MECOM: variants seen among roughly 807,000 people sequenced by gnomAD.
MECOM encodes MDS1 and EVI1 complex locus.
Under a neutral mutation model 116.3 loss-of-function variants are expected in MECOM, and 13 were observed. That is an observed-to-expected ratio of 0.11 (90% CI 0.07 to 0.18). The LOEUF is 0.18. Ranked by LOEUF, MECOM falls within the 10% of genes least tolerant of loss-of-function variation. The probability of loss-of-function intolerance (pLI) is 1.00; values close to 1 mark genes in which losing one functional copy is unlikely to be tolerated. For missense variants in MECOM, 1,299 were observed against 1,509.0 expected (o/e 0.86, Z 2.31); for synonymous variants, 528 against 535.2 (o/e 0.99, Z 0.19).
chr3:169,090,342 T>A, intron 14 of MECOM, 106 bp from the exon 15 acceptor site: 1 of 961,444 alleles, frequency 1.0e-6, no homozygotes, highest in Non-Finnish European at 1.5e-6. Flanking sequence ...TTTCAACACT[T>A]AACATCGGAA....
At position 169,403,959 on chromosome 3, in the gene MECOM, C is replaced by A. The variant is rs912936580; in HGVS notation, c.38-22435G>T. 5.3e-5 allele frequency among the ~76,000 whole-genome samples: 8 copies of A among 152,196 alleles called. No homozygotes were observed. In the East Asian group the frequency reaches 1.5e-3, roughly 29 times the overall value. ...TTAGTTCTAACTCAGTCCCTGGTTT[C>A]CTGAGAAAACCCAAAATGGAAGATA... On this transcript the variant is annotated intron_variant, in intron 1 of 16. Transcript: ENST00000651503.
chr3:169,449,268 G>A (rs1745158286), intron 1 of MECOM, among the ~76,000 whole-genome samples: 1 of 152,126 alleles, frequency 6.6e-6, no homozygotes, highest in Non-Finnish European at 1.5e-5. Flanking sequence ...CATAGTTCTT[G>A]CTGATTGCTC....
intron 1 of MECOM, among the ~76,000 whole-genome samples, chr3:169,548,914 A>G (rs549985512): frequency 6.6e-6 from 1 of 152,196 alleles, no homozygotes; most frequent in Admixed American, 6.5e-5. Context: ...AGAGAGCTTA[A>G]ATAACGTGGG....
At position 169,480,106 on chromosome 3, in the gene MECOM, G is replaced by A. The variant is rs2108845571; in HGVS notation, c.38-98582C>T. Reference sequence around the variant, plus strand: ...ATCACTATTGGTATAAAAAAAGTATGATGATGGTTTTCTGTAGGTTGCCAA... The same window carrying A: ...ATCACTATTGGTATAAAAAAAGTATAATGATGGTTTTCTGTAGGTTGCCAA... On this transcript the variant is annotated intron_variant, in intron 1 of 16. Coordinates refer to ENST00000651503, the MANE Select transcript of MECOM (RefSeq NM_004991.4). Among the ~76,000 whole-genome samples, 3 of 152,306 alleles carry A rather than the reference G, an allele frequency of 2.0e-5. 1 individual carries two copies. Among genetic ancestry groups the A allele is most frequent in the Admixed American group, 2.0e-4 (3 of 15,300 alleles).
At chr3:169,385,945 T>C (rs558279434) in intron 1 of MECOM, among the ~76,000 whole-genome samples, 3 of 152,320 alleles carry the variant, frequency 2.0e-5, no homozygotes, top group South Asian at 4.1e-4. Flanking sequence ...TCTGCTACTG[T>C]AATTTGCTTC....
chr3:169,270,535 G>C (rs181181679), intron 2 of MECOM, among the ~76,000 whole-genome samples: 2,485 of 152,054 alleles, frequency 0.016, 45 homozygotes, highest in Non-Finnish European at 0.021. Context: ...TTTGAAAACT[G>C]TTATAACCCT....
chr3:169,418,830 C>A (rs1260170945), intron 1 of MECOM, among the ~76,000 whole-genome samples: 1 of 152,082 alleles, frequency 6.6e-6, no homozygotes, highest in Non-Finnish European at 1.5e-5. Context: ...CTTTTGAAAA[C>A]CGGCACAAGA....
intron 10 of MECOM, among the ~76,000 whole-genome samples, chr3:169,105,195 C>T (rs113816953): frequency 9.9e-5 from 15 of 152,138 alleles, no homozygotes; most frequent in Non-Finnish European, 7.4e-5. Context: ...GCTCTTATAG[C>T]AGTTGACCTC....
intron 2 of MECOM, among the ~76,000 whole-genome samples, chr3:169,338,600 GGTGTGTGT>G (rs149763365): frequency 1.4e-5 from 2 of 146,546 alleles, no homozygotes; most frequent in African/African-American, 5.0e-5. Flanking sequence ...TTATGTTAGG[GGTGTGTGT>G]GTGTGTGTGT....
At chr3:169,382,863 A>T (rs28459845) in intron 1 of MECOM, among the ~76,000 whole-genome samples, 38 of 84,638 alleles carry the variant, frequency 4.5e-4, no homozygotes, top group African/African-American at 1.7e-3. Flanking sequence ...AAAAAAAAAA[A>T]ATAAAAAAAA....
intron 1 of MECOM, among the ~76,000 whole-genome samples, chr3:169,412,657 T>C (rs1352671176): frequency 6.6e-6 from 1 of 152,130 alleles, no homozygotes. Flanking sequence ...AAATATTAAT[T>C]ATAATAATGT....
intron 1 of MECOM, among the ~76,000 whole-genome samples, chr3:169,480,432 C>T (rs1488332324): frequency 6.6e-6 from 1 of 152,136 alleles, no homozygotes. Flanking sequence ...TTCTCATCTG[C>T]TCTCAGTCCA....
intron 1 of MECOM, among the ~76,000 whole-genome samples, chr3:169,390,556 C>T (rs940058231): frequency 2.0e-5 from 3 of 151,944 alleles, no homozygotes; most frequent in Non-Finnish European, 2.9e-5. Flanking sequence ...AAAGAGTGAC[C>T]GGATTTACTT....
At chr3:169,437,362 A>G (rs1742830497) in intron 1 of MECOM, among the ~76,000 whole-genome samples, 1 of 152,234 alleles carries the variant, frequency 6.6e-6, no homozygotes, top group African/African-American at 2.4e-5. Flanking sequence ...TAGTTTCTAT[A>G]CAGGAAGGTT....
chr3:169,188,928 C>G (rs1747130259), intron 2 of MECOM, among the ~76,000 whole-genome samples: 1 of 152,014 alleles, frequency 6.6e-6, no homozygotes, highest in Non-Finnish European at 1.5e-5. Context: ...GCCCATATTT[C>G]CAAAAGTAAT....
chr3:169,270,047 A>G (rs1758746636), intron 2 of MECOM, among the ~76,000 whole-genome samples: 1 of 152,074 alleles, frequency 6.6e-6, no homozygotes, highest in Admixed American at 6.6e-5. Context: ...TTTACCTTAC[A>G]GAGTCATTAA....
intron 2 of MECOM, among the ~76,000 whole-genome samples, chr3:169,213,841 A>G (rs1751091980): frequency 6.6e-6 from 1 of 152,116 alleles, no homozygotes; most frequent in South Asian, 2.1e-4. Flanking sequence ...TATTTTACCA[A>G]CTGAGACCCT....
intron 10 of MECOM, among the ~76,000 whole-genome samples, chr3:169,107,719 A>G (rs140115975): frequency 6.6e-6 from 1 of 152,342 alleles, no homozygotes; most frequent in East Asian, 1.9e-4. Context: ...GAATAAAATC[A>G]TTCTGTAAAC....
intron 2 of MECOM, among the ~76,000 whole-genome samples, chr3:169,163,258 G>T (rs1743104841): frequency 6.6e-6 from 1 of 151,896 alleles, no homozygotes; most frequent in East Asian, 1.9e-4. Context: ...ACTAACATTA[G>T]TCAGTCGTGT....
Sources: gnomAD v4.1 joint callset for allele counts (sites outside exome capture counted in the v4.1 genomes callset) on GRCh38, gnomAD v4.1.1 for gene constraint, MANE v1.5 for transcripts, NCBI Gene and HGNC (gene_info 2026-07-23, HGNC 2026-07-21) for gene names.